The following GBP7 variants were observed in gnomAD, a reference collection of about 807,000 sequenced individuals.
The protein encoded by GBP7 is guanylate-binding protein 7.
A neutral mutation model predicts 61.3 loss-of-function variants in GBP7; 43 were observed. The observed-to-expected ratio is 0.70, with a 90% CI of 0.55 to 0.91. The LOEUF (loss-of-function observed/expected upper bound fraction) is 0.91, where lower values mean the gene tolerates loss of function less well. Ranked by LOEUF, GBP7 falls within the 40% of genes least tolerant of loss-of-function variation. The pLI is 0.00. For synonymous variants in GBP7, 267 were observed against 271.0 expected (o/e 0.99, Z 0.14); for missense variants, 717 against 740.5 (o/e 0.97, Z 0.37).
chr1:89,145,125 G>A (rs574433028), intron 8 of GBP7, among the ~76,000 whole-genome samples: 1 of 152,030 alleles, frequency 6.6e-6, no homozygotes, highest in Non-Finnish European at 1.5e-5. Flanking sequence ...GCTAATTTTT[G>A]TATTTTTAGT....
At chr1:89,149,234 C>T (rs1310558739) in intron 7 of GBP7, 58 bp downstream of exon 7, 2 of 1,447,190 alleles carry the variant, frequency 1.4e-6, no homozygotes, top group African/African-American at 2.9e-5. Context: ...AAAAGGTGGA[C>T]TATAAGTATC....
intron 5 of GBP7, among the ~76,000 whole-genome samples, chr1:89,151,635 A>G (rs1244900181): frequency 6.6e-6 from 1 of 152,208 alleles, no homozygotes; most frequent in African/African-American, 2.4e-5. Context: ...TAACAAATGT[A>G]TAATAGATTG....
chr1:89,140,955 C>T lies in GBP7; in HGVS notation c.1468+591G>A, dbSNP rs1347550046. 2.0e-5 allele frequency among the ~76,000 whole-genome samples: 3 copies of T among 152,194 alleles called. No homozygotes were observed. The South Asian group carries it at 6.2e-4, about 32-fold the overall frequency. ...AGGGAATTAATGCAGGACTAGAAAA[C>T]CAAATATCACATGTTCTTACTTATG... On this transcript the variant is annotated intron_variant, in intron 9 of 10. Coordinates refer to ENST00000294671, the MANE Select transcript of GBP7 (RefSeq NM_207398.3).
chr1:89,139,218 G>T (rs1251563047), intron 9 of GBP7, among the ~76,000 whole-genome samples: 1 of 152,174 alleles, frequency 6.6e-6, no homozygotes, highest in Non-Finnish European at 1.5e-5. Context: ...TTCATAAATG[G>T]TGCTGGGAAA....
In GBP7 at chr1:89,139,240, A is replaced by T. The variant is rs575071322; in HGVS notation, c.1468+2306T>A. Among the ~76,000 whole-genome samples the T allele has an allele frequency of 3.3e-5, 5 of 152,354 alleles. No individual in the cohort carries two copies. In the South Asian group the frequency reaches 8.3e-4, roughly 25 times the overall value. On this transcript the variant is annotated intron_variant, in intron 9 of 10. Coordinates refer to ENST00000294671, the MANE Select transcript of GBP7 (RefSeq NM_207398.3). ...ATGGTGCTGGGAAAACTGGCTGGCC[A>T]TATGTAGAAAGCTGAAACTGGATCC...
intron 3 of GBP7, among the ~76,000 whole-genome samples, chr1:89,162,446 A>G (rs972183583): frequency 6.6e-6 from 1 of 152,056 alleles, no homozygotes; most frequent in African/African-American, 2.4e-5. Flanking sequence ...GTCATCTCTG[A>G]TTTCTTGGAG....
At chr1:89,166,821 C>T (rs1647456701) in intron 2 of GBP7, among the ~76,000 whole-genome samples, 1 of 152,228 alleles carries the variant, frequency 6.6e-6, no homozygotes. Flanking sequence ...GTCTAACTTG[C>T]AATCAGAGTC....
At chr1:89,172,774 A>G (rs1647642053) in intron 1 of GBP7, among the ~76,000 whole-genome samples, 1 of 142,274 alleles carries the variant, frequency 7.0e-6, no homozygotes, top group South Asian at 2.2e-4. Flanking sequence ...TTTTTTTTTC[A>G]GCCACTACTT....
intron 9 of GBP7, among the ~76,000 whole-genome samples, chr1:89,138,037 T>G (rs1372812753): frequency 1.3e-5 from 2 of 151,868 alleles, no homozygotes; most frequent in Non-Finnish European, 2.9e-5. Flanking sequence ...GAGAACACAA[T>G]CCTATTCACA....
rs374864805 is a variant in GBP7 at position 89,152,355 on chromosome 1, C to T, written c.538G>A (p.Val180Ile). The change falls in exon 5 of 11, where the codon GTT (valine) becomes ATT (isoleucine). Residue 180 changes from valine to isoleucine, a missense_variant. By Grantham distance (29) the Val-to-Ile change is conservative. Coordinates refer to ENST00000294671, the MANE Select transcript of GBP7 (RefSeq NM_207398.3). Reference protein sequence around the residue: ...VSFFPDFIWTVRDFTLELKLD... With the variant: ...VSFFPDFIWTIRDFTLELKLD... ...TTCAGCTCCAGGGTAAAATCTCGAA[C>T]AGTCCAAATAAAGTCTGGAAAGAAA... 158 of 1,614,014 alleles carry T rather than the reference C, an allele frequency of 9.8e-5. No individual in the cohort carries two copies. Among genetic ancestry groups the T allele is most frequent in the Non-Finnish European group, 1.3e-4 (153 of 1,180,018 alleles).
intron 3 of GBP7, among the ~76,000 whole-genome samples, chr1:89,155,928 A>G (rs1172325340): frequency 6.6e-6 from 1 of 152,214 alleles, no homozygotes; most frequent in Non-Finnish European, 1.5e-5. Context: ...AGTTGAAATG[A>G]AGGAAAAAAT....
chr1:89,168,738 C>T (rs1246381528), intron 2 of GBP7, among the ~76,000 whole-genome samples: 3 of 151,954 alleles, frequency 2.0e-5, no homozygotes, highest in Non-Finnish European at 4.4e-5. Context: ...AGTTCAAGAC[C>T]AGCCTGACCA....
intron 9 of GBP7, among the ~76,000 whole-genome samples, chr1:89,139,393 T>G (rs1425100597): frequency 6.6e-6 from 1 of 152,196 alleles, no homozygotes; most frequent in Non-Finnish European, 1.5e-5. Flanking sequence ...GGGCAAGGAC[T>G]TCATGTCTAA....
At position 89,152,463 on chromosome 1, in the gene GBP7, A is replaced by T. The variant is rs756399418; in HGVS notation, c.430T>A (p.Tyr144Asn). 5.6e-6 allele frequency: 9 copies of T among 1,613,754 alleles called. No individual in the cohort carries two copies. In the African/African-American group the frequency reaches 1.1e-4, roughly 19 times the overall value. Residue 144 changes from tyrosine to asparagine, a missense_variant and splice_region_variant, in exon 5 of 11, where the codon TAC becomes AAC. Physicochemically the swap from Tyr to Asn is moderately radical, Grantham distance 143. Coordinates refer to ENST00000294671, the MANE Select transcript of GBP7 (RefSeq NM_207398.3). ...ATTAGCTCTGTTAGCTCAGTCACGT[A>T]GCTGGGATCTCAGCTAAGGAAGGAT... ...INHQALEQLH[Y>N]VTELTELIRA...
intron 8 of GBP7, among the ~76,000 whole-genome samples, chr1:89,147,199 A>G (rs550784401): frequency 6.6e-6 from 1 of 152,184 alleles, no homozygotes. Flanking sequence ...GATAACCACA[A>G]TCACACCATA....
chr1:89,174,584 A>C (rs1165692153), intron 1 of GBP7, among the ~76,000 whole-genome samples: 1 of 152,232 alleles, frequency 6.6e-6, no homozygotes, highest in African/African-American at 2.4e-5. Context: ...TTTGAAACAT[A>C]GATACCATTC....
Position 89,171,764 on chromosome 1 carries a change from G to T in GBP7, c.172C>A (p.Leu58Met), listed in dbSNP as rs777567094. Residue 58 changes from leucine (L) to methionine (M), a missense_variant, in exon 2 of 11, where the codon CTG becomes ATG. By Grantham distance (15) the Leu-to-Met change is conservative. Coordinates refer to ENST00000294671, the MANE Select transcript of GBP7 (RefSeq NM_207398.3). ...CACTCACCTTTGTTCTTCCCAGCCA[G>T]CTTGTTCATTAGGTAGGATTTGCCT... ...RTGKSYLMNK[L>M]AGKNKGFPLG... 9 of 1,612,882 alleles carry T rather than the reference G, an allele frequency of 5.6e-6. No homozygotes were observed. In the Admixed American group the frequency reaches 1.2e-4, roughly 21 times the overall value.
At chr1:89,139,474 A>C (rs1170385790) in intron 9 of GBP7, among the ~76,000 whole-genome samples, 1 of 152,246 alleles carries the variant, frequency 6.6e-6, no homozygotes, top group South Asian at 2.1e-4. Context: ...GAGCTTCTGC[A>C]CAGCAAAAGA....
chr1:89,171,107 T>C (rs546310324), intron 2 of GBP7, among the ~76,000 whole-genome samples: 78 of 152,360 alleles, frequency 5.1e-4, no homozygotes, highest in Non-Finnish European at 8.5e-4. Context: ...TGCTTATTCC[T>C]GAATATATTC....
Sources: gnomAD v4.1 joint callset for allele counts (sites outside exome capture counted in the v4.1 genomes callset) on GRCh38, gnomAD v4.1.1 for gene constraint, MANE v1.5 for transcripts, NCBI Gene and HGNC (gene_info 2026-07-23, HGNC 2026-07-21) for gene names.